HS3ST4: variants seen among roughly 807,000 people sequenced by gnomAD.
HS3ST4 encodes heparan sulfate glucosamine 3-O-sulfotransferase 4.
HS3ST4 carries 17 observed loss-of-function variants against 29.2 expected under a neutral mutation model. That is an observed-to-expected ratio of 0.58 (90% CI 0.40 to 0.87). The LOEUF is 0.87. HS3ST4 is among the 40% of genes least tolerant of loss of function. The probability of loss-of-function intolerance (pLI) is 0.00; values close to 1 mark genes in which losing one functional copy is unlikely to be tolerated. For synonymous variants in HS3ST4, 314 were observed against 285.7 expected, an observed-to-expected ratio of 1.10 and a Z score of -1.00; for missense variants, 627 against 634.5, an observed-to-expected ratio of 0.99 and a Z score of 0.13.
At chr16:25,909,849 A>AT (rs1968218224) in intron 1 of HS3ST4, among the ~76,000 whole-genome samples, 2 of 152,098 alleles carry the variant, frequency 1.3e-5, no homozygotes, top group African/African-American at 4.8e-5. Context: ...AAAGATGATT[A>AT]TTTTTTGTTT....
At chr16:25,838,963 A>C (rs1026738167) in intron 1 of HS3ST4, among the ~76,000 whole-genome samples, 1 of 152,152 alleles carries the variant, frequency 6.6e-6, no homozygotes, top group African/African-American at 2.4e-5. Flanking sequence ...GCACTGTGGA[A>C]TTTGGCCTTT....
At chr16:25,988,578 T>C (rs1018093627) in intron 1 of HS3ST4, among the ~76,000 whole-genome samples, 12 of 152,156 alleles carry the variant, frequency 7.9e-5, no homozygotes, top group African/African-American at 2.7e-4. Flanking sequence ...TCTAGGATAG[T>C]TTTTTATTTT....
At chr16:26,012,793 A>G (rs1433766753) in intron 1 of HS3ST4, among the ~76,000 whole-genome samples, 1 of 152,222 alleles carries the variant, frequency 6.6e-6, no homozygotes, top group Non-Finnish European at 1.5e-5. Context: ...TTATTAAATA[A>G]GAAATTCACA....
chr16:25,781,748 A>G (rs1966852820), intron 1 of HS3ST4, among the ~76,000 whole-genome samples: 1 of 152,186 alleles, frequency 6.6e-6, no homozygotes, highest in African/African-American at 2.4e-5. Flanking sequence ...TGCCCAACTG[A>G]AAGTTTAGCA....
intron 1 of HS3ST4, among the ~76,000 whole-genome samples, chr16:25,809,893 C>T (rs920766764): frequency 6.6e-6 from 1 of 151,948 alleles, no homozygotes; most frequent in Non-Finnish European, 1.5e-5. Context: ...GTAGGTTTTG[C>T]TATAATTTTA....
At chr16:25,720,701 T>C (rs1318020844) in intron 1 of HS3ST4, among the ~76,000 whole-genome samples, 1 of 152,196 alleles carries the variant, frequency 6.6e-6, no homozygotes, top group Admixed American at 6.5e-5. Flanking sequence ...TTGGAATATA[T>C]TTGGAAGATT....
chr16:26,039,174 TTACTG>T (rs768516490), intron 1 of HS3ST4, among the ~76,000 whole-genome samples: 3 of 152,256 alleles, frequency 2.0e-5, no homozygotes, highest in Non-Finnish European at 4.4e-5. Context: ...CCCTATTAAA[TTACTG>T]TCCTGTTTTT....
chr16:25,924,483 G>A (rs778453073), intron 1 of HS3ST4, among the ~76,000 whole-genome samples: 1 of 152,080 alleles, frequency 6.6e-6, no homozygotes, highest in Admixed American at 6.5e-5. Context: ...GCTTCCCACT[G>A]TCTTCAGGGT....
intron 1 of HS3ST4, among the ~76,000 whole-genome samples, chr16:25,947,377 C>T (rs996787182): frequency 6.6e-6 from 1 of 152,148 alleles, no homozygotes; most frequent in South Asian, 2.1e-4. Context: ...TGTGTAACAA[C>T]CCCCTCCGCA....
intron 1 of HS3ST4, among the ~76,000 whole-genome samples, chr16:25,999,835 A>ATATATATTTTATATATATTATATATATAT (rs1567290760): frequency 1.6e-4 from 17 of 106,130 alleles, no homozygotes; most frequent in East Asian, 4.8e-4. Context: ...TTTATATATT[A>ATATATATTTTATATATATTATATATATAT]TATATATTTT....
intron 1 of HS3ST4, among the ~76,000 whole-genome samples, chr16:25,981,255 T>G: frequency 6.6e-6 from 1 of 152,004 alleles, no homozygotes; most frequent in East Asian, 1.9e-4. Flanking sequence ...GGAAATCGCT[T>G]GAACCCAGGA....
intron 1 of HS3ST4, among the ~76,000 whole-genome samples, chr16:25,746,320 A>G (rs1016446069): frequency 5.3e-5 from 8 of 152,210 alleles, no homozygotes; most frequent in Non-Finnish European, 7.3e-5. Context: ...GGAGATTCAG[A>G]GAATGATTTT....
intron 1 of HS3ST4, among the ~76,000 whole-genome samples, chr16:25,868,592 C>G (rs1967719012): frequency 6.6e-6 from 1 of 152,214 alleles, no homozygotes; most frequent in African/African-American, 2.4e-5. Flanking sequence ...TGAGACCTCC[C>G]TTTGCAAAGG....
chr16:25,991,640 G>A lies in HS3ST4; in HGVS notation c.735-143972G>A, dbSNP rs140826222. Among the ~76,000 whole-genome samples, 309 of 152,338 alleles carry A rather than the reference G, an allele frequency of 2.0e-3. 2 individuals are homozygous for A. Among genetic ancestry groups the A allele is most frequent in the Admixed American group, 4.2e-3 (65 of 15,298 alleles). On this transcript the variant is annotated intron_variant, in intron 1 of 1. Transcript: ENST00000331351. The stretch of plus-strand genomic sequence containing the variant: ...GGAGCACCAAGTGGGCACTAGGAAT[G>A]TGCTGGGCTATCTACATGCAGAATT...
chr16:25,759,940 G>T (rs1966779399), intron 1 of HS3ST4, among the ~76,000 whole-genome samples: 1 of 152,060 alleles, frequency 6.6e-6, no homozygotes, highest in Admixed American at 6.6e-5. Flanking sequence ...CAAGAGAATG[G>T]TGAGTATGAA....
intron 1 of HS3ST4, among the ~76,000 whole-genome samples, chr16:25,924,177 A>G (rs2141684236): frequency 6.6e-6 from 1 of 152,218 alleles, no homozygotes. Context: ...GTTCAGTCCA[A>G]ATTCTGAGAT....
At position 25,894,707 on chromosome 16, in the gene HS3ST4, T is replaced by C. The variant is rs145203964; in HGVS notation, c.734+201556T>C. Among the ~76,000 whole-genome samples the C allele has an allele frequency of 5.7e-3, 862 of 152,164 alleles. 14 individuals carry two copies. The highest frequency in any genetic ancestry group is 0.02 in the African/African-American group (837 of 41,530). On this transcript the variant is annotated intron_variant, in intron 1 of 1. Coordinates refer to ENST00000331351, the MANE Select transcript of HS3ST4 (RefSeq NM_006040.3). Reference sequence around the variant, plus strand: ...TTTTAATAGAGACAGGGTTTCACCATGTTGGCCAGGCTGGTCTCGAACTCC... The same window carrying C: ...TTTTAATAGAGACAGGGTTTCACCACGTTGGCCAGGCTGGTCTCGAACTCC...
chr16:25,741,365 T>TAAA (rs66788248), intron 1 of HS3ST4, among the ~76,000 whole-genome samples: 28,636 of 66,062 alleles, frequency 0.43, 7,257 homozygotes, highest in Non-Finnish European at 0.52. Context: ...GAATTCAAGG[T>TAAA]AAAAAAAAAA....
intron 1 of HS3ST4, among the ~76,000 whole-genome samples, chr16:26,083,261 T>A (rs1231916996): frequency 6.6e-6 from 1 of 152,224 alleles, no homozygotes; most frequent in Non-Finnish European, 1.5e-5. Context: ...ATTCCCCAGA[T>A]CTAGGCACAG....
Sources: allele counts gnomAD v4.1 joint callset (sites outside exome capture counted in the v4.1 genomes callset), GRCh38; gene constraint gnomAD v4.1.1; transcripts MANE v1.5; gene names NCBI Gene and HGNC (gene_info 2026-07-23, HGNC 2026-07-21).